The following LINGO2 variants were observed in gnomAD, a reference collection of about 807,000 sequenced individuals.
LINGO2 encodes leucine-rich repeat and immunoglobulin-like domain-containing nogo receptor-interacting protein 2.
A neutral mutation model predicts 30.6 loss-of-function variants in LINGO2; 14 were observed. The ratio of observed to expected loss-of-function variants is 0.46; its 90% confidence interval spans 0.30 to 0.72. The LOEUF is 0.72. Ranked by LOEUF, LINGO2 falls within the 30% of genes least tolerant of loss-of-function variation. The pLI is 0.07. For synonymous variants in LINGO2, 317 were observed against 288.5 expected (o/e 1.10, Z -1.00); for missense variants, 729 against 751.7 (o/e 0.97, Z 0.35).
chr9:28,623,734 T>C (rs879609284), intron 1 of LINGO2, among the ~76,000 whole-genome samples: 3 of 152,060 alleles, frequency 2.0e-5, no homozygotes, highest in Admixed American at 2.0e-4. Flanking sequence ...CTTTGAAGAA[T>C]GTCATTGGTA....
the LINGO2 span, among the ~76,000 whole-genome samples, chr9:28,741,301 C>T: frequency 1.3e-5 from 2 of 152,092 alleles, no homozygotes; most frequent in African/African-American, 4.8e-5. Flanking sequence ...GATGCTGGGG[C>T]AGACCTAAAA....
intron 4 of LINGO2, among the ~76,000 whole-genome samples, chr9:28,135,261 A>C (rs1465718926): frequency 6.6e-6 from 1 of 152,178 alleles, no homozygotes; most frequent in East Asian, 1.9e-4. Flanking sequence ...AAATATAAGA[A>C]CTCAAGGAAG....
chr9:27,955,260 C>T (rs187046206), intron 5 of LINGO2, among the ~76,000 whole-genome samples: 4 of 152,296 alleles, frequency 2.6e-5, no homozygotes, highest in Admixed American at 6.5e-5. Flanking sequence ...ATCAATTTCT[C>T]CACCTCATAG....
chr9:28,002,258 T>TC (rs1317008578), intron 5 of LINGO2, among the ~76,000 whole-genome samples: 1 of 133,602 alleles, frequency 7.5e-6, no homozygotes. Context: ...TCTCTTCCCT[T>TC]CCCTCCATTT....
At chr9:28,653,767 T>C (rs1264539388) in intron 1 of LINGO2, among the ~76,000 whole-genome samples, 3 of 152,106 alleles carry the variant, frequency 2.0e-5, no homozygotes, top group African/African-American at 7.2e-5. Context: ...TTTGCTGATC[T>C]TTATTCTGAT....
chr9:28,785,320 C>A, the LINGO2 span, among the ~76,000 whole-genome samples: 2 of 152,128 alleles, frequency 1.3e-5, no homozygotes. Flanking sequence ...GCCTATCCTG[C>A]AGCATGATAG....
At chr9:28,977,202 A>C in the LINGO2 span, among the ~76,000 whole-genome samples, 7 of 152,170 alleles carry the variant, frequency 4.6e-5, no homozygotes, top group Non-Finnish European at 8.8e-5. Flanking sequence ...TAGCAAAACT[A>C]TGGTTAAAAT....
At chr9:28,190,322 C>G (rs1050163345) in intron 4 of LINGO2, among the ~76,000 whole-genome samples, 1 of 152,060 alleles carries the variant, frequency 6.6e-6, no homozygotes, top group Non-Finnish European at 1.5e-5. Context: ...ATTTTACTAC[C>G]TCTCCAGTAT....
intron 4 of LINGO2, among the ~76,000 whole-genome samples, chr9:28,225,904 G>C (rs1821128333): frequency 6.6e-6 from 1 of 152,048 alleles, no homozygotes; most frequent in African/African-American, 2.4e-5. Context: ...TTCAAAATTT[G>C]TAAGTGTTCA....
chr9:28,030,452 T>G (rs766186704), intron 4 of LINGO2, among the ~76,000 whole-genome samples: 9 of 152,332 alleles, frequency 5.9e-5, no homozygotes, highest in Non-Finnish European at 8.8e-5. Context: ...CTAAGGTTAC[T>G]GTTGTATCAC....
chr9:28,354,329 C>G (rs1929820), intron 3 of LINGO2, among the ~76,000 whole-genome samples: 1 of 151,808 alleles, frequency 6.6e-6, no homozygotes, highest in East Asian at 1.9e-4. Flanking sequence ...GGTAATTATG[C>G]AAATTCATGT....
intron 1 of LINGO2, among the ~76,000 whole-genome samples, chr9:28,636,879 G>A (rs929490120): frequency 6.6e-6 from 1 of 152,150 alleles, no homozygotes; most frequent in Non-Finnish European, 1.5e-5. Context: ...TGGTGTTTTA[G>A]ACATGAGGTC....
chr9:28,967,148 C>T, the LINGO2 span, among the ~76,000 whole-genome samples: 11 of 152,082 alleles, frequency 7.2e-5, no homozygotes, highest in Admixed American at 5.9e-4. Context: ...CATGAGCACC[C>T]CTAGAGCTGA....
intron 1 of LINGO2, among the ~76,000 whole-genome samples, chr9:28,638,798 G>GT (rs1442490908): frequency 2.6e-5 from 4 of 152,032 alleles, no homozygotes; most frequent in Non-Finnish European, 4.4e-5. Flanking sequence ...TTTTTGAAGG[G>GT]TTTTTTGTAT....
chr9:28,907,240 A>G, the LINGO2 span, among the ~76,000 whole-genome samples: 2 of 151,938 alleles, frequency 1.3e-5, no homozygotes, highest in Non-Finnish European at 2.9e-5. Flanking sequence ...GGCAATGTCA[A>G]CATTAAGTGA....
chr9:28,556,468 G>A (rs564387459), intron 1 of LINGO2, among the ~76,000 whole-genome samples: 12 of 152,038 alleles, frequency 7.9e-5, no homozygotes, highest in East Asian at 1.9e-4. Context: ...CAAAGAGAAC[G>A]ACAAACCACT....
At chr9:28,041,940 G>A (rs905554554) in intron 4 of LINGO2, among the ~76,000 whole-genome samples, 17 of 152,132 alleles carry the variant, frequency 1.1e-4, no homozygotes, top group Non-Finnish European at 1.8e-4. Context: ...AATAAAACAG[G>A]TGTTAGATTC....
At chr9:28,603,548 G>C (rs948929023) in intron 1 of LINGO2, among the ~76,000 whole-genome samples, 4 of 151,936 alleles carry the variant, frequency 2.6e-5, no homozygotes, top group African/African-American at 7.2e-5. Flanking sequence ...ATATATATTA[G>C]CATGTCAATA....
intron 1 of LINGO2, among the ~76,000 whole-genome samples, chr9:28,539,130 A>G (rs1478997076): frequency 2.6e-5 from 4 of 152,104 alleles, no homozygotes; most frequent in African/African-American, 9.6e-5. Context: ...TTAAAGATAT[A>G]AAAGAAGATA....
Sources: gnomAD v4.1 joint callset for allele counts (sites outside exome capture counted in the v4.1 genomes callset) on GRCh38, gnomAD v4.1.1 for gene constraint, MANE v1.5 for transcripts, NCBI Gene and HGNC (gene_info 2026-07-23, HGNC 2026-07-21) for gene names.